Variants in SGCZ observed in about 807,000 individuals in gnomAD.
The protein encoded by SGCZ is sarcoglycan zeta.
A neutral mutation model predicts 41.3 loss-of-function variants in SGCZ; 40 were observed. The ratio of observed to expected loss-of-function variants is 0.97; its 90% confidence interval spans 0.75 to 1.26. SGCZ has a LOEUF of 1.26. SGCZ is among the 50% of genes most tolerant of loss of function. SGCZ has a pLI of 0.00. For missense variants in SGCZ, 552 were observed against 369.8 expected, an observed-to-expected ratio of 1.49 and a Z score of -4.04; for synonymous variants, 206 against 137.5, an observed-to-expected ratio of 1.50 and a Z score of -3.49.
At chr8:14,872,690 A>G (rs1327450419) in intron 1 of SGCZ, among the ~76,000 whole-genome samples, 2 of 152,150 alleles carry the variant, frequency 1.3e-5, no homozygotes, top group African/African-American at 4.8e-5. Flanking sequence ...TGTATCATCA[A>G]CTAAACTAAC....
At chr8:14,583,270 C>T (rs1182462443) in intron 1 of SGCZ, among the ~76,000 whole-genome samples, 8 of 151,626 alleles carry the variant, frequency 5.3e-5, no homozygotes, top group Admixed American at 3.3e-4. Context: ...TGATGGTGAG[C>T]ATTTTTTCAT....
intron 4 of SGCZ, among the ~76,000 whole-genome samples, chr8:14,200,306 T>C (rs1323651418): frequency 1.3e-5 from 2 of 152,214 alleles, no homozygotes; most frequent in African/African-American, 2.4e-5. Context: ...GTATAGTCCA[T>C]GCATTCTCAA....
chr8:14,284,541 G>T (rs150102769), intron 3 of SGCZ, among the ~76,000 whole-genome samples: 1 of 152,152 alleles, frequency 6.6e-6, no homozygotes, highest in East Asian at 1.9e-4. Flanking sequence ...TACGTAGATG[G>T]GTTTCCCTTT....
intron 6 of SGCZ, among the ~76,000 whole-genome samples, chr8:14,105,919 G>A (rs1406543165): frequency 6.6e-6 from 1 of 151,886 alleles, no homozygotes; most frequent in African/African-American, 2.4e-5. Context: ...AGTTCTTTAA[G>A]TATAAATTTA....
intron 2 of SGCZ, among the ~76,000 whole-genome samples, chr8:14,388,205 T>TA (rs201244046): frequency 4.9e-4 from 74 of 152,048 alleles, no homozygotes; most frequent in Non-Finnish European, 8.7e-4. Flanking sequence ...GAAAAAAAGT[T>TA]AAAAAAATCC....
intron 1 of SGCZ, among the ~76,000 whole-genome samples, chr8:15,062,110 C>T (rs542112134): frequency 6.6e-6 from 1 of 152,286 alleles, no homozygotes; most frequent in South Asian, 2.1e-4. Context: ...GCTGTAACCT[C>T]TCCCTAAACA....
intron 1 of SGCZ, among the ~76,000 whole-genome samples, chr8:14,792,349 G>C (rs949892344): frequency 6.6e-6 from 1 of 151,972 alleles, no homozygotes; most frequent in African/African-American, 2.4e-5. Flanking sequence ...TATCGCTCAG[G>C]CTGTTAACTC....
intron 1 of SGCZ, among the ~76,000 whole-genome samples, chr8:15,138,810 T>A (rs1424340555): frequency 1.3e-5 from 2 of 152,086 alleles, no homozygotes; most frequent in Non-Finnish European, 2.9e-5. Context: ...ACAGCTAAGA[T>A]AAAAATGTTT....
At chr8:14,913,314 A>C (rs1799332025) in intron 1 of SGCZ, among the ~76,000 whole-genome samples, 1 of 152,190 alleles carries the variant, frequency 6.6e-6, no homozygotes, top group South Asian at 2.1e-4. Context: ...GCCCTCTTAC[A>C]TATCTAAATA....
intron 1 of SGCZ, among the ~76,000 whole-genome samples, chr8:14,802,596 C>G (rs994699057): frequency 1.3e-5 from 2 of 152,082 alleles, no homozygotes; most frequent in Admixed American, 6.5e-5. Flanking sequence ...TACACACATA[C>G]AAACACAGAG....
intron 1 of SGCZ, among the ~76,000 whole-genome samples, chr8:14,758,629 T>G (rs1270104085): frequency 6.6e-6 from 1 of 152,216 alleles, no homozygotes; most frequent in East Asian, 1.9e-4. Context: ...ACAGTAAAAC[T>G]TGTGATTGGT....
chr8:15,209,751 C>T (rs1376056141), intron 1 of SGCZ, among the ~76,000 whole-genome samples: 2 of 140,032 alleles, frequency 1.4e-5, no homozygotes, highest in East Asian at 2.1e-4. Flanking sequence ...ATGACAGATA[C>T]CAGTAGTTGC....
chr8:15,131,722 C>T (rs1807910030), intron 1 of SGCZ, among the ~76,000 whole-genome samples: 1 of 152,078 alleles, frequency 6.6e-6, no homozygotes, highest in African/African-American at 2.4e-5. Context: ...TAGCAACCAG[C>T]TCTGTTCATC....
In SGCZ at chr8:15,169,474, A is replaced by G. The variant is rs141657312; in HGVS notation, c.39+68111T>C. On this transcript the variant is annotated intron_variant, in intron 1 of 7. Coordinates refer to ENST00000382080, the MANE Select transcript of SGCZ (RefSeq NM_139167.4). Reference sequence around the variant, plus strand: ...TTCCCCTTTTCTTCCTTTTCACCCAATAGAACACTGTCTCACTCACCTTTC... The same window carrying G: ...TTCCCCTTTTCTTCCTTTTCACCCAGTAGAACACTGTCTCACTCACCTTTC... Among the ~76,000 whole-genome samples the G allele has an allele frequency of 2.7e-3, 412 of 152,248 alleles. 3 individuals carry two copies. The highest frequency in any genetic ancestry group is 9.2e-3 in the African/African-American group (384 of 41,558).
At chr8:14,951,752 T>A (rs900582440) in intron 1 of SGCZ, among the ~76,000 whole-genome samples, 37 of 152,064 alleles carry the variant, frequency 2.4e-4, no homozygotes, top group African/African-American at 8.2e-4. Flanking sequence ...ATCTTAACTT[T>A]AATGTATCTG....
At chr8:15,191,634 G>C (rs1342154112) in intron 1 of SGCZ, among the ~76,000 whole-genome samples, 1 of 151,886 alleles carries the variant, frequency 6.6e-6, no homozygotes, top group Non-Finnish European at 1.5e-5. Flanking sequence ...AATACATAGA[G>C]AAAACAGACA....
At chr8:14,783,376 G>C (rs1290700198) in intron 1 of SGCZ, among the ~76,000 whole-genome samples, 2 of 151,618 alleles carry the variant, frequency 1.3e-5, no homozygotes, top group African/African-American at 4.9e-5. Flanking sequence ...GGAAGTTGCA[G>C]TGAGCTGAGA....
At chr8:14,866,089 G>A (rs1296175394) in intron 1 of SGCZ, among the ~76,000 whole-genome samples, 1 of 152,034 alleles carries the variant, frequency 6.6e-6, no homozygotes, top group African/African-American at 2.4e-5. Context: ...ACAATGTAAA[G>A]CAGAAAAAGA....
intron 3 of SGCZ, among the ~76,000 whole-genome samples, chr8:14,281,055 T>A (rs930707221): frequency 6.6e-6 from 1 of 151,902 alleles, no homozygotes; most frequent in Admixed American, 6.6e-5. Context: ...ACTATAAAAT[T>A]TGAGACCTTA....
Sources: allele counts gnomAD v4.1 joint callset (sites outside exome capture counted in the v4.1 genomes callset), GRCh38; gene constraint gnomAD v4.1.1; transcripts MANE v1.5; gene names NCBI Gene and HGNC (gene_info 2026-07-23, HGNC 2026-07-21).